UGT3A1: variants seen among roughly 807,000 people sequenced by gnomAD.
UGT3A1 encodes UDP-glycosyltransferase 3A1.
Under a neutral mutation model 37.6 loss-of-function variants are expected in UGT3A1, and 40 were observed. The ratio of observed to expected loss-of-function variants is 1.06; its 90% confidence interval spans 0.83 to 1.38. UGT3A1 has a LOEUF of 1.38. Among genes scored for constraint, UGT3A1 ranks in the 40% most tolerant of loss-of-function variants. The probability of loss-of-function intolerance (pLI) is 0.00; values close to 1 mark genes in which losing one functional copy is unlikely to be tolerated. For synonymous variants in UGT3A1, 256 were observed against 232.3 expected, an observed-to-expected ratio of 1.10 and a Z score of -0.93; for missense variants, 642 against 634.2, an observed-to-expected ratio of 1.01 and a Z score of -0.13.
At chr5:35,968,392 C>G (rs1279409740) in intron 2 of UGT3A1, among the ~76,000 whole-genome samples, 1 of 152,072 alleles carries the variant, frequency 6.6e-6, no homozygotes, top group Admixed American at 6.5e-5. Flanking sequence ...TTTAAAGGAA[C>G]AGCTATTACA....
chr5:35,957,540 C>T (rs1019235496), intron 4 of UGT3A1, 121 bp from the exon 5 acceptor site: 75 of 776,646 alleles, frequency 9.7e-5, no homozygotes, highest in Middle Eastern at 4.7e-4. Flanking sequence ...TTCACTCTCC[C>T]GAAGCTATTA....
In UGT3A1 at chr5:35,971,167, A is replaced by C. The variant is rs535200801; in HGVS notation, c.197-3034T>G. On this transcript the variant is annotated intron_variant, in intron 2 of 6. Coordinates refer to ENST00000274278, the MANE Select transcript of UGT3A1 (RefSeq NM_152404.4). The stretch of plus-strand genomic sequence containing the variant: ...TATCCAACTTTCCCTAGGAGCAGTT[A>C]TGACATTATAATGAGGATGTCCTCC... 2.0e-5 allele frequency among the ~76,000 whole-genome samples: 3 copies of C among 152,316 alleles called. No homozygotes were observed. The East Asian group carries it at 5.8e-4, about 29-fold the overall frequency.
chr5:35,985,420 T>C (rs996742558), intron 2 of UGT3A1, among the ~76,000 whole-genome samples: 1 of 152,086 alleles, frequency 6.6e-6, no homozygotes, highest in Non-Finnish European at 1.5e-5. Context: ...AGCAAAAAGA[T>C]GAAAGCCAGA....
chr5:35,984,949 A>T (rs562157124), intron 2 of UGT3A1, among the ~76,000 whole-genome samples: 1 of 152,204 alleles, frequency 6.6e-6, no homozygotes, highest in South Asian at 2.1e-4. Context: ...CTATAAGTTC[A>T]AATGTAAAGT....
intron 6 of UGT3A1, 100 bp from the exon 7 acceptor site, chr5:35,954,578 C>G: frequency 7.1e-7 from 1 of 1,414,980 alleles, no homozygotes; most frequent in Non-Finnish European, 9.6e-7. Context: ...AAACACTTTT[C>G]TAACACATGC....
chr5:35,991,899 A>G (rs1331867054), upstream of UGT3A1, among the ~76,000 whole-genome samples: 1 of 152,194 alleles, frequency 6.6e-6, no homozygotes, highest in East Asian at 1.9e-4. Flanking sequence ...TGGAGACTGA[A>G]ATTCGAACAC....
intron 1 of UGT3A1, chr5:35,990,939 C>A (rs1740922122): frequency 6.9e-7 from 1 of 1,445,358 alleles, no homozygotes; most frequent in Admixed American, 2.8e-5. Flanking sequence ...AGGAGAGTGT[C>A]TTTTCTCAAA....
Position 35,975,829 on chromosome 5 carries a change from T to TTA in UGT3A1, c.197-7697_197-7696insTA, listed in dbSNP as rs1436916446. ...CATTTACATTAGGTATATCTCCTAATGCTATCCCTCCCTGAAGAATTTTTA... is the reference window on the plus strand; with the variant it reads ...CATTTACATTAGGTATATCTCCTAATTAGCTATCCCTCCCTGAAGAATTTTTA... On this transcript the variant is annotated intron_variant, in intron 2 of 6. Transcript: ENST00000274278. 2.0e-5 allele frequency among the ~76,000 whole-genome samples: 3 copies of TTA among 152,174 alleles called. No individual in the cohort carries two copies. The East Asian group carries it at 5.8e-4, about 29-fold the overall frequency.
rs757866159 is a variant in UGT3A1 at position 35,988,486 on chromosome 5, TC to T, written c.159del (p.Thr54LeufsTer10). ...SQILQEHGHN[V>X]TMLHQSGKFL... is the part of the protein sequence containing the mutation. ...AACTTTCCACTCTGATGAAGCATAG[TC>T]ACATTATGACCATGCTCTTGAAGAA... On this transcript the variant is annotated frameshift_variant, in exon 2 of 7. Transcript: ENST00000274278. LOFTEE classifies it high-confidence loss of function. The T allele has an allele frequency of 5.0e-5, 81 of 1,612,222 alleles. No homozygotes were observed. The Middle Eastern group carries it at 1.2e-3, about 23-fold the overall frequency.
At position 35,965,630 on chromosome 5, in the gene UGT3A1, C is replaced by T. The variant is rs917206994; in HGVS notation, c.599G>A (p.Arg200Gln). ...AAAGAACATCAGAAAATTCTTCACT[C>T]GGCCCCAGAAGTCCATGTGATCAGT... ...LLTDHMDFWG[R>Q]VKNFLMFFSF... Residue 200 changes from arginine to glutamine, a missense_variant, in exon 4 of 7, where the codon CGA becomes CAA. Arg to Gln is a conservative substitution (Grantham distance 43). Transcript: ENST00000274278. 12 of 1,614,044 alleles carry T rather than the reference C, an allele frequency of 7.4e-6. No individual in the cohort carries two copies. The highest frequency in any genetic ancestry group is 1.1e-5 in the South Asian group (1 of 91,082).
chr5:35,998,850 A>G (rs750611083), intron 1 of UGT3A1, among the ~76,000 whole-genome samples: 13 of 152,228 alleles, frequency 8.5e-5, no homozygotes, highest in Admixed American at 3.3e-4. Context: ...GAAGGCTTCA[A>G]ACATTTACAT....
chr5:35,975,069 G>C (rs1740207647), intron 2 of UGT3A1, among the ~76,000 whole-genome samples: 1 of 152,178 alleles, frequency 6.6e-6, no homozygotes, highest in Non-Finnish European at 1.5e-5. Context: ...ACTTAAGGGT[G>C]ACCTCAGCAG....
At chr5:35,980,093 G>T (rs1422184239) in intron 2 of UGT3A1, among the ~76,000 whole-genome samples, 1 of 152,146 alleles carries the variant, frequency 6.6e-6, no homozygotes, top group East Asian at 1.9e-4. Context: ...ATCAGACTGT[G>T]CCCAGCTTCA....
chr5:35,999,519 C>T (rs1222622376), intron 1 of UGT3A1, among the ~76,000 whole-genome samples: 1 of 152,194 alleles, frequency 6.6e-6, no homozygotes, highest in Non-Finnish European at 1.5e-5. Context: ...CAGGGGAATA[C>T]TTGACTCCCG....
rs890735175 is a variant in UGT3A1 at position 35,956,560 on chromosome 5, A to G, written c.1075+628T>C. ...TGAGGATGTCAGTGAGAGGTCTCCA[A>G]AAAGTATCACAAGGACAGTAAAACC... is the stretch of plus-strand genomic sequence containing the variant. On this transcript the variant is annotated intron_variant, in intron 5 of 6. Transcript: ENST00000274278. Among the ~76,000 whole-genome samples the G allele has an allele frequency of 5.9e-5, 9 of 152,202 alleles. 1 individual carries two copies. Among genetic ancestry groups the G allele is most frequent in the Admixed American group, 5.9e-4 (9 of 15,278 alleles).
intron 2 of UGT3A1, among the ~76,000 whole-genome samples, chr5:35,976,545 A>G (rs1321539407): frequency 6.6e-6 from 1 of 152,196 alleles, no homozygotes; most frequent in Non-Finnish European, 1.5e-5. Flanking sequence ...GCTAACCCAG[A>G]GAAAAGAATG....
At position 35,978,780 on chromosome 5, in the gene UGT3A1, C is replaced by A. The variant is rs942365152; in HGVS notation, c.196+9670G>T. ...TAGTCTTAACTCATTTCAGCATTAACTCAAAAGTCCACAGTCCAATGTCTC... is the reference window on the plus strand; with the variant it reads ...TAGTCTTAACTCATTTCAGCATTAAATCAAAAGTCCACAGTCCAATGTCTC... On this transcript the variant is annotated intron_variant, in intron 2 of 6. Transcript: ENST00000274278. 7.2e-5 allele frequency among the ~76,000 whole-genome samples: 11 copies of A among 152,272 alleles called. No individual in the cohort carries two copies. In the East Asian group the frequency reaches 2.1e-3, roughly 29 times the overall value.
intron 2 of UGT3A1, among the ~76,000 whole-genome samples, chr5:35,976,781 C>G (rs1252196369): frequency 6.6e-6 from 1 of 150,420 alleles, no homozygotes; most frequent in African/African-American, 2.5e-5. Flanking sequence ...CTGCAGTGAG[C>G]CATGATTGTG....
At chr5:35,998,170 C>T (rs57738871) in intron 1 of UGT3A1, among the ~76,000 whole-genome samples, 1 of 148,846 alleles carries the variant, frequency 6.7e-6, no homozygotes, top group Non-Finnish European at 1.5e-5. Context: ...TAACTGATGC[C>T]TCAGCTTTAG....
Sources: allele counts gnomAD v4.1 joint callset (sites outside exome capture counted in the v4.1 genomes callset), GRCh38; gene constraint gnomAD v4.1.1; transcripts MANE v1.5; gene names NCBI Gene and HGNC (gene_info 2026-07-23, HGNC 2026-07-21).